Variants in DLGAP2 observed in about 807,000 individuals in gnomAD.
DLGAP2 encodes the protein DLG associated protein 2.
DLGAP2 carries 26 observed loss-of-function variants against 100.3 expected under a neutral mutation model. The observed-to-expected ratio is 0.26, with a 90% CI of 0.19 to 0.36. DLGAP2 has a LOEUF of 0.36. DLGAP2 is among the 10% of genes least tolerant of loss of function. DLGAP2 has a pLI of 1.00. For missense variants in DLGAP2, 1,858 were observed against 1,453.2 expected (o/e 1.28, Z -4.53); for synonymous variants, 886 against 630.1 (o/e 1.41, Z -6.08).
chr8:1,469,048 T>C (rs1030909126), intron 3 of DLGAP2, among the ~76,000 whole-genome samples: 1 of 152,152 alleles, frequency 6.6e-6, no homozygotes, highest in Admixed American at 6.5e-5. Flanking sequence ...TGTCAACACA[T>C]CCTTCTAGGG....
At chr8:1,467,877 CT>C (rs146103167) in intron 3 of DLGAP2, among the ~76,000 whole-genome samples, 6,861 of 152,290 alleles carry the variant, frequency 0.045, 560 homozygotes, top group African/African-American at 0.16. Flanking sequence ...CAGATCCCCC[CT>C]GGTCAGGAGG....
chr8:771,788 C>T (rs1469909363), intron 1 of DLGAP2, among the ~76,000 whole-genome samples: 1 of 152,140 alleles, frequency 6.6e-6, no homozygotes, highest in East Asian at 1.9e-4. Context: ...TTACACTAAC[C>T]ATAAAAATTG....
intron 2 of DLGAP2, among the ~76,000 whole-genome samples, chr8:1,012,320 G>A (rs1801312900): frequency 6.6e-6 from 1 of 152,220 alleles, no homozygotes; most frequent in Non-Finnish European, 1.5e-5. Flanking sequence ...AGAAGACGAA[G>A]AACGCACTCT....
chr8:1,174,424 C>G (rs552881324), intron 2 of DLGAP2, among the ~76,000 whole-genome samples: 3 of 151,860 alleles, frequency 2.0e-5, no homozygotes, highest in African/African-American at 7.2e-5. Context: ...TTATCATTAC[C>G]ATTACCACCA....
chr8:890,142 A>G (rs1798005247), intron 1 of DLGAP2, among the ~76,000 whole-genome samples: 1 of 151,898 alleles, frequency 6.6e-6, no homozygotes, highest in Non-Finnish European at 1.5e-5. Flanking sequence ...TCACATGCTT[A>G]TTTTGTTTTT....
chr8:1,682,779 A>G (rs545966892), intron 12 of DLGAP2, among the ~76,000 whole-genome samples: 13 of 151,648 alleles, frequency 8.6e-5, no homozygotes, highest in Non-Finnish European at 1.5e-4. Flanking sequence ...CAGCCAGGAT[A>G]TCTAGTATTT....
At chr8:1,166,266 C>G (rs781304551) in intron 2 of DLGAP2, among the ~76,000 whole-genome samples, 2 of 152,220 alleles carry the variant, frequency 1.3e-5, no homozygotes, top group African/African-American at 4.8e-5. Context: ...GGCTAATGGC[C>G]CAGTCCCCGT....
intron 2 of DLGAP2, among the ~76,000 whole-genome samples, chr8:915,641 G>A (rs540453015): frequency 7.9e-5 from 12 of 152,132 alleles, no homozygotes; most frequent in Non-Finnish European, 1.2e-4. Context: ...TGGAATTCCC[G>A]AATCACACGG....
chr8:1,440,747 G>C (rs1243280827), intron 3 of DLGAP2, among the ~76,000 whole-genome samples: 1 of 152,172 alleles, frequency 6.6e-6, no homozygotes, highest in Non-Finnish European at 1.5e-5. Context: ...CATTGGTGGA[G>C]GCAAGCGCTC....
chr8:1,325,726 C>T (rs1256190181), intron 3 of DLGAP2, among the ~76,000 whole-genome samples: 3 of 152,060 alleles, frequency 2.0e-5, no homozygotes, highest in South Asian at 2.1e-4. Flanking sequence ...ACTTTGGTAC[C>T]GCTTGCCAAA....
intron 2 of DLGAP2, among the ~76,000 whole-genome samples, chr8:1,092,018 A>G (rs192557841): frequency 1.1e-4 from 17 of 152,326 alleles, no homozygotes; most frequent in Admixed American, 1.1e-3. Context: ...GGAACAAAAC[A>G]CAGCGTCAGA....
chr8:1,427,687 A>T (rs1797275031), intron 3 of DLGAP2, among the ~76,000 whole-genome samples: 1 of 152,172 alleles, frequency 6.6e-6, no homozygotes, highest in South Asian at 2.1e-4. Context: ...GGTTTTAAAA[A>T]TGGGAGTTTC....
chr8:1,649,283 CTTCTTCAAA>C, intron 8 of DLGAP2, among the ~76,000 whole-genome samples: 1 of 35,110 alleles, frequency 2.8e-5, no homozygotes, highest in Non-Finnish European at 5.4e-5. Context: ...ATTCTTTTTG[CTTCTTCAAA>C]GCTACCAGAA....
intron 3 of DLGAP2, among the ~76,000 whole-genome samples, chr8:1,491,770 T>C (rs927946755): frequency 6.6e-6 from 1 of 152,258 alleles, no homozygotes; most frequent in African/African-American, 2.4e-5. Context: ...ATAGTGTGCC[T>C]TTCTACTTCA....
At chr8:1,439,416 T>C (rs1797760860) in intron 3 of DLGAP2, among the ~76,000 whole-genome samples, 1 of 152,122 alleles carries the variant, frequency 6.6e-6, no homozygotes, top group South Asian at 2.1e-4. Flanking sequence ...AGCCTCTGCG[T>C]GTCCTCTCTA....
chr8:1,509,164 C>G (rs1037295763), intron 4 of DLGAP2, among the ~76,000 whole-genome samples: 1 of 152,118 alleles, frequency 6.6e-6, no homozygotes, highest in African/African-American at 2.4e-5. Flanking sequence ...AACCCCGTCT[C>G]TACTAAAATA....
At chr8:801,870 G>A (rs879611183) in intron 1 of DLGAP2, among the ~76,000 whole-genome samples, 2 of 152,020 alleles carry the variant, frequency 1.3e-5, no homozygotes, top group East Asian at 1.9e-4. Flanking sequence ...TACCTGAGCC[G>A]CCTGACCCTG....
chr8:849,624 C>T (rs1797143104), intron 1 of DLGAP2, among the ~76,000 whole-genome samples: 1 of 152,164 alleles, frequency 6.6e-6, no homozygotes, highest in South Asian at 2.1e-4. Context: ...GTAGCCTGGG[C>T]TAATGGTCTC....
chr8:1,064,123 C>A (rs1389656948), intron 2 of DLGAP2, among the ~76,000 whole-genome samples: 1 of 152,142 alleles, frequency 6.6e-6, no homozygotes, highest in Non-Finnish European at 1.5e-5. Context: ...GTCATGGGGA[C>A]AATCCAATGG....
Sources: gnomAD v4.1 joint callset for allele counts (sites outside exome capture counted in the v4.1 genomes callset) on GRCh38, gnomAD v4.1.1 for gene constraint, MANE v1.5 for transcripts, NCBI Gene and HGNC (gene_info 2026-07-23, HGNC 2026-07-21) for gene names.